Variants in PTPN3 observed in about 807,000 individuals in gnomAD.
PTPN3 encodes the protein protein tyrosine phosphatase non-receptor type 3, also known as tyrosine-protein phosphatase non-receptor type 3.
In PTPN3, 96 loss-of-function variants were observed where a neutral mutation model predicts 132.7. The observed-to-expected ratio is 0.72, with a 90% CI of 0.61 to 0.86. The LOEUF (loss-of-function observed/expected upper bound fraction) is 0.86, where lower values mean the gene tolerates loss of function less well. Among genes scored for constraint, PTPN3 ranks in the 40% least tolerant of loss-of-function variants. PTPN3 has a pLI of 0.00. For missense variants in PTPN3, 1,125 were observed against 1,159.6 expected (o/e 0.97, Z 0.43); for synonymous variants, 398 against 429.0 (o/e 0.93, Z 0.89).
intron 19 of PTPN3, among the ~76,000 whole-genome samples, chr9:109,395,871 T>A (rs1250317060): frequency 6.7e-6 from 1 of 148,988 alleles, no homozygotes; most frequent in Non-Finnish European, 1.5e-5. Context: ...TTTTTTTTTT[T>A]TTTGAGACAG....
chr9:109,479,278 T>C (rs759454649), intron 1 of PTPN3, among the ~76,000 whole-genome samples: 2 of 152,216 alleles, frequency 1.3e-5, no homozygotes, highest in Non-Finnish European at 2.9e-5. Flanking sequence ...TGGAACCACA[T>C]AGTATTTGTC....
chr9:109,518,498 C>A, the PTPN3 span, among the ~76,000 whole-genome samples: 1 of 152,156 alleles, frequency 6.6e-6, no homozygotes, highest in Non-Finnish European at 1.5e-5. Context: ...ATCAGGGTGA[C>A]CCAGCCTCTA....
At chr9:109,443,818 G>A (rs1339687701) in intron 7 of PTPN3, among the ~76,000 whole-genome samples, 1 of 152,200 alleles carries the variant, frequency 6.6e-6, no homozygotes. Flanking sequence ...CACTAAGGAG[G>A]AGGCGATGCA....
In PTPN3 at chr9:109,437,075, A is replaced by T. The variant is rs574022720; in HGVS notation, c.588-105T>A. The T allele has an allele frequency of 1.3e-3, 2,041 of 1,519,958 alleles. 3 individuals carry two copies. Among genetic ancestry groups the T allele is most frequent in the Non-Finnish European group, 1.7e-3 (1,901 of 1,131,162 alleles). 94.2% of individuals were successfully genotyped at this position (1,519,958 alleles called of 1,614,324 possible). On this transcript the variant is annotated intron_variant, in intron 8 of 25. Coordinates refer to ENST00000374541, the MANE Select transcript of PTPN3 (RefSeq NM_002829.4). ...TTGATACCATTTCTGTAAGGTTATT[A>T]AATGCCTTATGTTATCAATCTTCAG...
At chr9:109,465,343 G>A (rs189118319) in intron 1 of PTPN3, among the ~76,000 whole-genome samples, 41 of 152,280 alleles carry the variant, frequency 2.7e-4, no homozygotes, top group African/African-American at 9.4e-4. Context: ...TTGGGAGGCC[G>A]AAGCGGGCGG....
chr9:109,446,083 G>A (rs542772778), intron 6 of PTPN3, among the ~76,000 whole-genome samples: 1 of 152,302 alleles, frequency 6.6e-6, no homozygotes, highest in East Asian at 1.9e-4. Flanking sequence ...TCCACGGCCT[G>A]CCCAGGAGCT....
chr9:109,457,491 C>G (rs1161394140), intron 2 of PTPN3, 92 bp from the exon 3 acceptor site: 5 of 1,000,324 alleles, frequency 5.0e-6, no homozygotes, highest in Non-Finnish European at 7.5e-6. Context: ...TTAAAATATT[C>G]AGAAATGCTA....
At chr9:109,405,040 TTTCCTGTGACACCATCA>T (rs1841445679) in intron 18 of PTPN3, among the ~76,000 whole-genome samples, 1 of 152,172 alleles carries the variant, frequency 6.6e-6, no homozygotes, top group Non-Finnish European at 1.5e-5. Context: ...GTCCCAAGCT[TTTCCTGTGACACCATCA>T]TTCCTGAGAG....
intron 1 of PTPN3, among the ~76,000 whole-genome samples, 154 bp from the exon 2 acceptor site, chr9:109,463,605 TG>T (rs2132049164): frequency 6.6e-6 from 1 of 152,376 alleles, no homozygotes; most frequent in South Asian, 2.1e-4. Context: ...AATTGAGTTT[TG>T]ACTTCTAAGA....
intron 11 of PTPN3, among the ~76,000 whole-genome samples, chr9:109,427,432 C>T (rs1413303493): frequency 1.3e-5 from 2 of 152,138 alleles, no homozygotes; most frequent in African/African-American, 2.4e-5. Context: ...AGATAAAAAC[C>T]GTCTGATACA....
intron 14 of PTPN3, 95 bp from the exon 15 acceptor site, chr9:109,410,510 T>C (rs1296248161): frequency 3.0e-6 from 4 of 1,351,888 alleles, no homozygotes; most frequent in East Asian, 4.7e-5. Flanking sequence ...CTGGGGGCTG[T>C]ATGTTTCCCT....
chr9:109,387,490 C>T (rs1417577382), intron 22 of PTPN3, among the ~76,000 whole-genome samples: 2 of 152,198 alleles, frequency 1.3e-5, no homozygotes, highest in African/African-American at 2.4e-5. Context: ...GCCTCTGGCC[C>T]TGTGAGACAA....
At chr9:109,462,427 G>A (rs1207075390) in intron 2 of PTPN3, among the ~76,000 whole-genome samples, 2 of 152,180 alleles carry the variant, frequency 1.3e-5, no homozygotes, top group African/African-American at 2.4e-5. Context: ...GCATTCTTGT[G>A]GCCTTTTATT....
intron 14 of PTPN3, 48 bp downstream of exon 14, chr9:109,420,376 A>G (rs1842807923): frequency 3.3e-6 from 5 of 1,533,304 alleles, no homozygotes; most frequent in African/African-American, 1.4e-5. Context: ...AAATTCCGCA[A>G]CAGCCAAAAA....
chr9:109,494,579 G>A (rs796274698), intron 1 of PTPN3, among the ~76,000 whole-genome samples: 24 of 152,278 alleles, frequency 1.6e-4, no homozygotes, highest in African/African-American at 5.5e-4. Context: ...TTCAAATTAT[G>A]CCTTGAAGTT....
chr9:109,532,985 C>CGCTCTTG, the PTPN3 span: 1 of 521,052 alleles, frequency 1.9e-6, no homozygotes, highest in Non-Finnish European at 2.6e-6. Context: ...GACGGGGCCT[C>CGCTCTTG]GCTCTTGTCC....
At chr9:109,497,137 A>C (rs1847705534) in intron 1 of PTPN3, among the ~76,000 whole-genome samples, 1 of 152,144 alleles carries the variant, frequency 6.6e-6, no homozygotes, top group Admixed American at 6.5e-5. Flanking sequence ...GAAGGCCTTG[A>C]CTTCGGCAGA....
At chr9:109,451,238 A>G in intron 5 of PTPN3, 1 of 984,314 alleles carries the variant, frequency 1.0e-6, no homozygotes. Flanking sequence ...ATATATATAT[A>G]TATCTGGCAG....
chr9:109,399,907 CCCAGAGCT>C, intron 19 of PTPN3, among the ~76,000 whole-genome samples: 1 of 151,712 alleles, frequency 6.6e-6, no homozygotes, highest in Non-Finnish European at 1.5e-5. Flanking sequence ...GACTAGACGA[CCCAGAGCT>C]CCAAACCCAG....
Sources: gnomAD v4.1 joint callset for allele counts (sites outside exome capture counted in the v4.1 genomes callset) on GRCh38, gnomAD v4.1.1 for gene constraint, MANE v1.5 for transcripts, NCBI Gene and HGNC (gene_info 2026-07-23, HGNC 2026-07-21) for gene names.